The following AMMECR1 variants were observed in gnomAD, a reference collection of about 807,000 sequenced individuals.
The protein encoded by AMMECR1 is AMMECR nuclear protein 1, also known as nuclear protein AMMECR1.
Under a neutral mutation model 22.5 loss-of-function variants are expected in AMMECR1, and 3 were observed. That is an observed-to-expected ratio of 0.13 (90% confidence interval 0.06 to 0.35). The LOEUF (loss-of-function observed/expected upper bound fraction) is 0.35, where lower values mean the gene tolerates loss of function less well. Among genes scored for constraint, AMMECR1 ranks in the 10% least tolerant of loss-of-function variants. The pLI, the probability that AMMECR1 is intolerant of heterozygous loss-of-function variation, is 1.00. For missense variants in AMMECR1, 235 were observed against 278.7 expected (o/e 0.84, Z 1.12); for synonymous variants, 130 against 116.7 (o/e 1.11, Z -0.74).
At chrX:110,300,986 A>G in intron 1 of AMMECR1, among the ~76,000 whole-genome samples, 1 of 111,924 alleles carries the variant, frequency 8.9e-6, no homozygotes, top group South Asian at 3.8e-4. Flanking sequence ...TTCCTCAGTG[A>G]CAGTTCTTAT....
chrX:110,241,873 A>T (rs2067635102), intron 2 of AMMECR1, among the ~76,000 whole-genome samples: 1 of 112,013 alleles, frequency 8.9e-6, no homozygotes, highest in African/African-American at 3.2e-5. Flanking sequence ...ACATATAATC[A>T]TTATGAAATA....
At chrX:110,317,200 G>A (rs1433671454) in intron 1 of AMMECR1, among the ~76,000 whole-genome samples, 1 of 111,171 alleles carries the variant, frequency 9.0e-6, no homozygotes, top group Non-Finnish European at 1.9e-5. Flanking sequence ...CGGGAATACT[G>A]GCGGGGCTTT....
At chrX:110,419,615 C>T (rs1213434189) in intron 2 of AMMECR1, among the ~76,000 whole-genome samples, 2 of 112,306 alleles carry the variant, frequency 1.8e-5, no homozygotes, top group Non-Finnish European at 3.8e-5. Flanking sequence ...GTGCTTGGCA[C>T]ATAGTAGGCT....
intron 2 of AMMECR1, chrX:110,346,964 C>T (rs2068192982): frequency 2.0e-6 from 1 of 506,465 alleles, no homozygotes; most frequent in East Asian, 3.7e-5. Context: ...GGCCGTGGGT[C>T]GGCGGGGCCG....
At chrX:110,291,886 T>A (rs1173421706) in intron 1 of AMMECR1, among the ~76,000 whole-genome samples, 1 of 111,787 alleles carries the variant, frequency 8.9e-6, no homozygotes, top group Non-Finnish European at 1.9e-5. Context: ...AGACTTTATT[T>A]TCTCCTATCT....
At chrX:110,235,510 A>C (rs778726609) in intron 2 of AMMECR1, among the ~76,000 whole-genome samples, 1 of 110,952 alleles carries the variant, frequency 9.0e-6, no homozygotes, top group African/African-American at 3.3e-5. Context: ...TAAATCATGC[A>C]CAAGTATATT....
At chrX:110,351,061 C>T (rs1303399171) in intron 2 of AMMECR1, among the ~76,000 whole-genome samples, 2 of 112,195 alleles carry the variant, frequency 1.8e-5, no homozygotes, top group Non-Finnish European at 3.8e-5. Context: ...TAAGAATGTA[C>T]ACTGAAAACT....
chrX:110,370,375 A>G (rs2068329745), intron 2 of AMMECR1, among the ~76,000 whole-genome samples: 1 of 110,253 alleles, frequency 9.1e-6, no homozygotes, highest in Non-Finnish European at 1.9e-5. Context: ...TGCCCAGCTA[A>G]TTTTTGTATT....
chrX:110,225,169 A>G (rs2067526184), intron 2 of AMMECR1: 3 of 240,526 alleles, frequency 1.2e-5, no homozygotes, highest in Admixed American at 1.2e-4. Context: ...ACAGGCTAAT[A>G]TATCAAAGCA....
intron 2 of AMMECR1, among the ~76,000 whole-genome samples, chrX:110,330,952 T>C (rs761279718): frequency 1.8e-5 from 2 of 111,400 alleles, no homozygotes; most frequent in Non-Finnish European, 3.8e-5. Context: ...ATGCCCCTAC[T>C]ACTGCTCCAA....
intron 1 of AMMECR1, among the ~76,000 whole-genome samples, chrX:110,267,796 C>G (rs1408136578): frequency 8.9e-6 from 1 of 112,201 alleles, no homozygotes; most frequent in Non-Finnish European, 1.9e-5. Flanking sequence ...ATAACCCTAT[C>G]TGCTCAAGTA....
chrX:110,255,171 T>C (rs1467509943), intron 2 of AMMECR1, among the ~76,000 whole-genome samples: 2 of 112,336 alleles, frequency 1.8e-5, no homozygotes, highest in African/African-American at 3.2e-5. Context: ...GACCACATTG[T>C]TTTGGGTACT....
chrX:110,210,465 C>T (rs1320111107), intron 3 of AMMECR1, among the ~76,000 whole-genome samples: 1 of 111,463 alleles, frequency 9.0e-6, no homozygotes, highest in Non-Finnish European at 1.9e-5. Flanking sequence ...GGAAACATAA[C>T]ATATACAACC....
chrX:110,391,810 G>A (rs187428020), intron 2 of AMMECR1, among the ~76,000 whole-genome samples: 16 of 112,201 alleles, frequency 1.4e-4, no homozygotes, highest in East Asian at 1.1e-3. Context: ...CAGCATAGTC[G>A]TTGAACAGCA....
chrX:110,253,891 G>A (rs1286358178), intron 2 of AMMECR1, among the ~76,000 whole-genome samples: 1 of 111,793 alleles, frequency 8.9e-6, no homozygotes, highest in Non-Finnish European at 1.9e-5. Context: ...TAGATTCAAA[G>A]CAATTATTAT....
chrX:110,323,140 T>G (rs994747002), intron 2 of AMMECR1, among the ~76,000 whole-genome samples: 1 of 112,367 alleles, frequency 8.9e-6, no homozygotes, highest in Non-Finnish European at 1.9e-5. Flanking sequence ...AGATACTTCA[T>G]GGTAGCATAT....
chrX:110,409,189 C>CT lies in AMMECR1; in HGVS notation c.-148+17468dup, dbSNP rs987456001. 1.3e-3 allele frequency among the ~76,000 whole-genome samples: 134 copies of CT among 106,543 alleles called. 1 individual carries two copies. The East Asian group carries it at 0.013, about 10-fold the overall frequency. 92.5% of individuals were successfully genotyped at this position (106,543 alleles called of 115,157 possible). A position where few individuals can be genotyped will look rare whatever the true frequency, so the allele number is the denominator to read the frequency against. ...ATATAAAACTGGCAGGAGATGGGGA[C>CT]TTTTTTTTTTGAGACGGGGACTTTT... On this transcript the variant is annotated intron_variant, in intron 2 of 7. Transcript: ENST00000372057.
chrX:110,236,125 A>G (rs1401219430), intron 2 of AMMECR1, among the ~76,000 whole-genome samples: 1 of 112,162 alleles, frequency 8.9e-6, no homozygotes, highest in East Asian at 2.8e-4. Flanking sequence ...TTTCACGAAT[A>G]AGTAGCAGTC....
chrX:110,349,634 G>C (rs1423619522), intron 2 of AMMECR1, among the ~76,000 whole-genome samples: 3 of 112,013 alleles, frequency 2.7e-5, no homozygotes, highest in Admixed American at 9.5e-5. Context: ...CTAATTGGAA[G>C]TACATAAATG....
Sources: gnomAD v4.1 joint callset for allele counts (sites outside exome capture counted in the v4.1 genomes callset) on GRCh38, gnomAD v4.1.1 for gene constraint, MANE v1.5 for transcripts, NCBI Gene and HGNC (gene_info 2026-07-23, HGNC 2026-07-21) for gene names.